The following DMD variants were observed in gnomAD, a reference collection of about 807,000 sequenced individuals.
DMD encodes mutant dystrophin.
A neutral mutation model predicts 330.1 loss-of-function variants in DMD; 63 were observed. That is an observed-to-expected ratio of 0.19 (90% CI 0.16 to 0.24). The LOEUF (loss-of-function observed/expected upper bound fraction) is 0.24. DMD is among the 10% of genes least tolerant of loss of function. The probability of loss-of-function intolerance (pLI) is 1.00; values close to 1 mark genes in which losing one functional copy is unlikely to be tolerated. For synonymous variants in DMD, 1,223 were observed against 959.8 expected (o/e 1.27, Z -5.07); for missense variants, 3,344 against 2,684.1 (o/e 1.25, Z -5.43).
At chrX:32,997,987 T>C (rs1213291272) in intron 2 of DMD, among the ~76,000 whole-genome samples, 1 of 111,797 alleles carries the variant, frequency 8.9e-6, no homozygotes, top group African/African-American at 3.3e-5. Context: ...CTTTCATGTA[T>C]ACATGAGGTG....
intron 60 of DMD, among the ~76,000 whole-genome samples, chrX:31,407,218 G>A (rs1235851306): frequency 9.0e-6 from 1 of 111,730 alleles, no homozygotes; most frequent in Non-Finnish European, 1.9e-5. Context: ...AGGCTGGAGT[G>A]CAATGGCACA....
At position 31,764,197 on chromosome X, in the gene DMD, T is replaced by C. The variant is rs116331560; in HGVS notation, c.7542+9763A>G. 7.1e-3 allele frequency among the ~76,000 whole-genome samples: 797 copies of C among 111,736 alleles called. 6 individuals are homozygous for C. Among genetic ancestry groups the C allele is most frequent in the African/African-American group, 0.025 (755 of 30,781 alleles). ...GTCCTCATTTTCATTTAGAAAACAA[T>C]TGTACTGTAAAATCTCATTATATAT... On this transcript the variant is annotated intron_variant, in intron 51 of 78. Coordinates refer to ENST00000357033, the MANE Select transcript of DMD (RefSeq NM_004006.3).
chrX:31,911,551 A>G (rs2094547628), intron 47 of DMD, among the ~76,000 whole-genome samples: 1 of 96,380 alleles, frequency 1.0e-5, no homozygotes, highest in South Asian at 4.6e-4. Context: ...TTTTATGTTT[A>G]TTTTAGACTA....
At chrX:32,205,458 C>T (rs1603628261) in intron 44 of DMD, among the ~76,000 whole-genome samples, 1 of 109,720 alleles carries the variant, frequency 9.1e-6, no homozygotes, top group African/African-American at 3.3e-5. Context: ...TGGCTAGTTA[C>T]TCTTTGGGTT....
intron 44 of DMD, among the ~76,000 whole-genome samples, chrX:32,127,270 C>G (rs1370909235): frequency 8.9e-6 from 1 of 111,747 alleles, no homozygotes; most frequent in African/African-American, 3.3e-5. Flanking sequence ...CTCTTACCTC[C>G]GTTTCTTAGA....
intron 60 of DMD, among the ~76,000 whole-genome samples, chrX:31,396,445 A>G (rs1175298829): frequency 9.0e-6 from 1 of 110,733 alleles, no homozygotes; most frequent in Non-Finnish European, 1.9e-5. Flanking sequence ...CCCAAAGATG[A>G]CAATTATATG....
Position 32,783,192 on chromosome X carries a change from A to G in DMD, c.649+26301T>C, listed in dbSNP as rs190455834. The stretch of plus-strand genomic sequence containing the variant: ...GCATATACACACATATATACCATAT[A>G]TGTATACATATACACATATGTGTAT... On this transcript the variant is annotated intron_variant, in intron 7 of 78. Coordinates refer to ENST00000357033, the MANE Select transcript of DMD (RefSeq NM_004006.3). 3.5e-4 allele frequency among the ~76,000 whole-genome samples: 33 copies of G among 95,430 alleles called. 1 individual carries two copies. In the East Asian group the frequency reaches 9.8e-3, roughly 28 times the overall value. 82.9% of individuals were successfully genotyped at this position (95,430 alleles called of 115,157 possible). A position where few individuals can be genotyped will look rare whatever the true frequency, so the allele number is the denominator to read the frequency against.
intron 46 of DMD, among the ~76,000 whole-genome samples, chrX:31,930,753 TATTA>T (rs1452172491): frequency 8.9e-6 from 1 of 112,065 alleles, no homozygotes; most frequent in African/African-American, 3.2e-5. Flanking sequence ...GACTCATGCA[TATTA>T]ATTAATAAGA....
chrX:32,799,449 G>A (rs2076390049), intron 7 of DMD, among the ~76,000 whole-genome samples: 1 of 111,255 alleles, frequency 9.0e-6, no homozygotes, highest in East Asian at 2.8e-4. Flanking sequence ...AAATGGAAAT[G>A]GCTTTCTACA....
Position 32,969,606 on chromosome X carries a change from A to C in DMD, c.93+50533T>G, listed in dbSNP as rs139573124. ...ACGCATATTTGTTTATTTATTATGT[A>C]TGTATTTATAGTGTTTTCATACAAA... is the stretch of plus-strand genomic sequence containing the variant. On this transcript the variant is annotated intron_variant, in intron 2 of 78. Coordinates refer to ENST00000357033, the MANE Select transcript of DMD (RefSeq NM_004006.3). 3.2e-3 allele frequency among the ~76,000 whole-genome samples: 301 copies of C among 94,600 alleles called. 74 individuals carry two copies. Among genetic ancestry groups the C allele is most frequent in the African/African-American group, 0.013 (283 of 20,991 alleles). 82.1% of individuals were successfully genotyped at this position (94,600 alleles called of 115,157 possible).
rs1351450783 is a variant in DMD at position 32,697,895 on chromosome X, G to C, written c.935C>G (p.Pro312Arg). The C allele has an allele frequency of 3.3e-6, 4 of 1,210,557 alleles. No individual in the cohort carries two copies. The highest frequency in any genetic ancestry group is 4.5e-6 in the Non-Finnish European group (4 of 895,006). Residue 312 changes from proline to arginine, a missense_variant, in exon 9 of 79, where the codon CCT (proline) becomes CGT (arginine). Pro to Arg is a moderately radical substitution (Grantham distance 103). Transcript: ENST00000357033. ...TQAAYVTTSD[P>R]TRSPFPSQHL... ...CTGTGAAGGAAATGGGCTCCGTGTA[G>C]GGTCAGAGGTGGTGACATAAGCAGC...
chrX:32,405,926 A>C (rs942633152), intron 30 of DMD, among the ~76,000 whole-genome samples: 29 of 110,847 alleles, frequency 2.6e-4, no homozygotes, highest in East Asian at 2.0e-3. Flanking sequence ...CTTTTATTTC[A>C]TTGAGCAGTG....
intron 62 of DMD, among the ~76,000 whole-genome samples, chrX:31,284,569 C>CTTCTTCTTCTTCTTCTTCTTCCTTCT: frequency 1.6e-5 from 1 of 61,695 alleles, no homozygotes; most frequent in African/African-American, 6.4e-5. Flanking sequence ...TCTTCTTCTT[C>CTTCTTCTTCTTCTTCTTCTTCCTTCT]TTCTTCTTCT....
chrX:31,183,913 A>ATT lies in DMD; in HGVS notation c.9808-1011_9808-1010dup, dbSNP rs56788430. 3.2e-4 allele frequency among the ~76,000 whole-genome samples: 32 copies of ATT among 100,022 alleles called. No individual in the cohort carries two copies. The South Asian group carries it at 7.8e-3, about 24-fold the overall frequency. The allele number at this position is 100,022 out of a possible 115,157, so 86.9% of individuals were successfully genotyped here. ...CTGATAGTTATCTTCATTAAATACA[A>ATT]TTTTTTTTTTTTTTGAGACTGACTC... On this transcript the variant is annotated intron_variant, in intron 67 of 78. Coordinates refer to ENST00000357033, the MANE Select transcript of DMD (RefSeq NM_004006.3).
intron 18 of DMD, among the ~76,000 whole-genome samples, chrX:32,514,717 G>GGT (rs1349014296): frequency 8.9e-6 from 1 of 112,523 alleles, no homozygotes; most frequent in South Asian, 3.6e-4. Context: ...CTCCCGCCTG[G>GGT]GACAGAGCGA....
chrX:31,903,053 T>A (rs2094441561), intron 47 of DMD, among the ~76,000 whole-genome samples: 2 of 111,529 alleles, frequency 1.8e-5, no homozygotes, highest in Non-Finnish European at 3.8e-5. Flanking sequence ...TGACATCCAA[T>A]AAAATTATAA....
chrX:31,489,184 A>G (rs928463204), intron 57 of DMD, among the ~76,000 whole-genome samples: 1 of 111,933 alleles, frequency 8.9e-6, no homozygotes, highest in Non-Finnish European at 1.9e-5. Context: ...TCTGCCACCC[A>G]GGCTAGAGTG....
intron 2 of DMD, among the ~76,000 whole-genome samples, chrX:32,931,001 ATTT>A (rs909658948): frequency 8.7e-4 from 94 of 107,669 alleles, no homozygotes; most frequent in South Asian, 4.2e-3. Context: ...TATATATATT[ATTT>A]TATACTATAT....
chrX:32,574,386 G>C (rs1308252394), intron 13 of DMD, among the ~76,000 whole-genome samples: 1 of 111,509 alleles, frequency 9.0e-6, no homozygotes, highest in East Asian at 2.8e-4. Context: ...AAAATTTTCT[G>C]TTTCTAAACT....
Sources: allele counts gnomAD v4.1 joint callset (sites outside exome capture counted in the v4.1 genomes callset), GRCh38; gene constraint gnomAD v4.1.1; transcripts MANE v1.5; gene names NCBI Gene and HGNC (gene_info 2026-07-23, HGNC 2026-07-21).